Variants in YY1AP1 observed in about 807,000 individuals in gnomAD.
The protein encoded by YY1AP1 is YY1 associated protein 1.
A neutral mutation model predicts 39.9 loss-of-function variants in YY1AP1; 43 were observed. The ratio of observed to expected loss-of-function variants is 1.08; its 90% CI spans 0.84 to 1.39. The LOEUF (loss-of-function observed/expected upper bound fraction) is 1.39. Among genes scored for constraint, YY1AP1 ranks in the 40% most tolerant of loss-of-function variants. YY1AP1 has a pLI of 0.00. For missense variants in YY1AP1, 813 were observed against 900.7 expected (o/e 0.90, Z 1.25); for synonymous variants, 292 against 331.3 (o/e 0.88, Z 1.29).
chr1:155,666,641 G>C (rs1649051905), intron 9 of YY1AP1, among the ~76,000 whole-genome samples: 1 of 151,996 alleles, frequency 6.6e-6, no homozygotes, highest in African/African-American at 2.4e-5. Flanking sequence ...TGAGACAGGA[G>C]AATTGCCTAA....
chr1:155,672,286 T>A (rs1045617124), intron 7 of YY1AP1: 7 of 516,278 alleles, frequency 1.4e-5, no homozygotes, highest in Non-Finnish European at 2.5e-5. Context: ...CATATTGCTG[T>A]AGTCCAATTC....
intron 5 of YY1AP1, 49 bp downstream of exon 5, chr1:155,676,499 G>A (rs1251038100): frequency 1.3e-6 from 2 of 1,599,346 alleles, no homozygotes; most frequent in Non-Finnish European, 1.7e-6. Context: ...AAGCCTCAGA[G>A]TTAGGCCTTG....
intron 9 of YY1AP1, among the ~76,000 whole-genome samples, chr1:155,662,937 A>C (rs1648389710): frequency 6.6e-6 from 1 of 151,954 alleles, no homozygotes; most frequent in Non-Finnish European, 1.5e-5. Context: ...TGAGGAATTA[A>C]GAGGTTGCAG....
intron 6 of YY1AP1, among the ~76,000 whole-genome samples, chr1:155,674,441 C>A (rs1650331868): frequency 1.3e-5 from 2 of 152,060 alleles, no homozygotes; most frequent in African/African-American, 2.4e-5. Context: ...AGCCACTATG[C>A]CCAGCCTCAA....
chr1:155,666,964 C>A (rs1571324878), intron 9 of YY1AP1, among the ~76,000 whole-genome samples: 1 of 152,008 alleles, frequency 6.6e-6, no homozygotes, highest in African/African-American at 2.4e-5. Flanking sequence ...TGTGCCACTG[C>A]ACTCCAGCCT....
chr1:155,685,737 T>C (rs1434329859), intron 2 of YY1AP1, among the ~76,000 whole-genome samples: 1 of 152,210 alleles, frequency 6.6e-6, no homozygotes, highest in Admixed American at 6.5e-5. Context: ...GGTTTTCAAA[T>C]GAGATCTAAA....
intron 8 of YY1AP1, among the ~76,000 whole-genome samples, chr1:155,669,841 A>G (rs1649578706): frequency 6.6e-6 from 1 of 152,112 alleles, no homozygotes; most frequent in Non-Finnish European, 1.5e-5. Context: ...CAGCCTGGGC[A>G]ACACAGAGAT....
chr1:155,665,993 G>T (rs372772059), intron 9 of YY1AP1, among the ~76,000 whole-genome samples: 6 of 152,022 alleles, frequency 3.9e-5, no homozygotes, highest in African/African-American at 1.4e-4. Flanking sequence ...TCTTCAAGAT[G>T]AAAGTGACAG....
intron 5 of YY1AP1, 132 bp from the exon 6 acceptor site, chr1:155,675,228 A>G (rs1650469216): frequency 1.4e-6 from 1 of 719,912 alleles, no homozygotes. Context: ...TGGTGCAACC[A>G]TGACTCAATG....
intron 9 of YY1AP1, among the ~76,000 whole-genome samples, chr1:155,667,878 G>A (rs1277917979): frequency 1.3e-5 from 2 of 151,678 alleles, no homozygotes; most frequent in Non-Finnish European, 2.9e-5. Context: ...GCTGGGCCTG[G>A]GCGACAAGAG....
At chr1:155,670,246 T>C in intron 8 of YY1AP1, 74 bp downstream of exon 8, 1 of 1,594,616 alleles carries the variant, frequency 6.3e-7, no homozygotes, top group Admixed American at 1.7e-5. Context: ...TATACAAGTC[T>C]TACTTCCCCT....
At chr1:155,662,164 AG>A (rs199595815) in intron 9 of YY1AP1, among the ~76,000 whole-genome samples, 3,533 of 152,054 alleles carry the variant, frequency 0.023, 138 homozygotes, top group African/African-American at 0.081. Context: ...TCAGAAGGGA[AG>A]GAAAAAAAAA....
At chr1:155,683,131 T>G (rs969658904) in intron 2 of YY1AP1, among the ~76,000 whole-genome samples, 2 of 151,320 alleles carry the variant, frequency 1.3e-5, no homozygotes, top group African/African-American at 4.9e-5. Flanking sequence ...AGCAGAAAAA[T>G]AATTATATTT....
At chr1:155,686,499 G>A (rs553181400) in intron 2 of YY1AP1, among the ~76,000 whole-genome samples, 7 of 152,064 alleles carry the variant, frequency 4.6e-5, no homozygotes, top group Non-Finnish European at 8.8e-5. Flanking sequence ...ACCTACCACC[G>A]TCAAAACAAC....
intron 6 of YY1AP1, among the ~76,000 whole-genome samples, chr1:155,673,490 A>G (rs1439055919): frequency 1.3e-5 from 2 of 152,196 alleles, no homozygotes; most frequent in Non-Finnish European, 2.9e-5. Flanking sequence ...TTACTGAAGA[A>G]GCTGAGAGTA....
intron 2 of YY1AP1, among the ~76,000 whole-genome samples, chr1:155,685,450 A>T (rs1275304615): frequency 1.3e-5 from 2 of 151,974 alleles, no homozygotes; most frequent in African/African-American, 4.8e-5. Context: ...AGGAGCTTCA[A>T]ATCACCTCAG....
At position 155,660,554 on chromosome 1, in the gene YY1AP1, G is replaced by C; in HGVS notation, c.1356C>G (p.His452Gln). 1 of 1,614,190 alleles carries C rather than the reference G, an allele frequency of 6.2e-7. No homozygotes were observed. Among genetic ancestry groups the C allele is most frequent in the Non-Finnish European group, 8.5e-7 (1 of 1,180,042 alleles). Residue 452 changes from histidine (H) to glutamine (Q), a missense_variant, in exon 11 of 11, where the codon CAC becomes CAG. His to Gln is a conservative substitution (Grantham distance 24). Transcript: ENST00000355499. ...PPSKMVLRIP[H>Q]PIQPATVLQT... ...GTAAAACAGTGGCTGGCTGTATTGG[G>C]TGAGGAATCCGGAGCACCATTTTGC... is the stretch of plus-strand genomic sequence containing the variant.
At chr1:155,671,266 A>G (rs1649821605) in intron 7 of YY1AP1, among the ~76,000 whole-genome samples, 1 of 151,802 alleles carries the variant, frequency 6.6e-6, no homozygotes, top group African/African-American at 2.4e-5. Context: ...CCCCATCTCT[A>G]CCAAAAATGT....
intron 1 of YY1AP1, chr1:155,688,404 T>G (rs1213911308): frequency 6.5e-7 from 1 of 1,543,722 alleles, no homozygotes; most frequent in African/African-American, 1.4e-5. Context: ...ACCCCCAACC[T>G]CCCACTCCTC....
Sources: gnomAD v4.1 joint callset for allele counts (sites outside exome capture counted in the v4.1 genomes callset) on GRCh38, gnomAD v4.1.1 for gene constraint, MANE v1.5 for transcripts, NCBI Gene and HGNC (gene_info 2026-07-23, HGNC 2026-07-21) for gene names.